Variants in TMCO5A observed in about 807,000 individuals in gnomAD.
The protein encoded by TMCO5A is transmembrane and coiled-coil domain-containing protein 5A.
A neutral mutation model predicts 42.3 loss-of-function variants in TMCO5A; 34 were observed. The ratio of observed to expected loss-of-function variants is 0.80; its 90% CI spans 0.61 to 1.07. The LOEUF is 1.07. TMCO5A is among the 50% of genes least tolerant of loss of function. The probability of loss-of-function intolerance (pLI) is 0.00; values close to 1 mark genes in which losing one functional copy is unlikely to be tolerated. For missense variants in TMCO5A, 357 were observed against 327.9 expected, an observed-to-expected ratio of 1.09 and a Z score of -0.69; for synonymous variants, 131 against 115.6, an observed-to-expected ratio of 1.13 and a Z score of -0.86.
chr15:37,962,795 C>T (rs200455480), intron 11 of TMCO5A, among the ~76,000 whole-genome samples: 21 of 152,034 alleles, frequency 1.4e-4, no homozygotes, highest in African/African-American at 4.1e-4. Context: ...AGGAATTTAT[C>T]GGTCTCTTCT....
chr15:38,039,760 C>T, the TMCO5A span, among the ~76,000 whole-genome samples: 16 of 105,392 alleles, frequency 1.5e-4, no homozygotes, highest in African/African-American at 4.1e-4. Flanking sequence ...ACCAAATTCT[C>T]GACTGTTCTT....
At chr15:37,996,220 G>A in the TMCO5A span, among the ~76,000 whole-genome samples, 15 of 152,256 alleles carry the variant, frequency 9.9e-5, no homozygotes, top group East Asian at 1.2e-3. Context: ...CCCTCACTAC[G>A]CCTTAGAGGG....
chr15:37,984,077 C>T, the TMCO5A span, among the ~76,000 whole-genome samples: 21 of 152,116 alleles, frequency 1.4e-4, no homozygotes, highest in African/African-American at 4.1e-4. Context: ...CTAAGTCTTA[C>T]GTATTCTAAG....
intron 11 of TMCO5A, among the ~76,000 whole-genome samples, chr15:37,961,630 A>G (rs1890430820): frequency 6.6e-6 from 1 of 151,990 alleles, no homozygotes; most frequent in South Asian, 2.1e-4. Context: ...TTTTGGCAGT[A>G]TGTCATTTTC....
the TMCO5A span, among the ~76,000 whole-genome samples, chr15:38,025,418 C>T: frequency 2.6e-5 from 4 of 152,214 alleles, no homozygotes; most frequent in South Asian, 8.3e-4. Context: ...ACCACCATAT[C>T]ATTCCTTAAA....
At chr15:37,988,584 C>T in the TMCO5A span, among the ~76,000 whole-genome samples, 1 of 151,822 alleles carries the variant, frequency 6.6e-6, no homozygotes, top group East Asian at 1.9e-4. Flanking sequence ...TTGTTAAAGG[C>T]CCTTTCTGCA....
chr15:37,947,764 G>A (rs1595596863), intron 11 of TMCO5A, 68 bp downstream of exon 11: 3 of 1,093,114 alleles, frequency 2.7e-6, no homozygotes, highest in African/African-American at 1.6e-5. Context: ...TCGGGCAGAG[G>A]GAAAAGTCTA....
At chr15:37,998,717 T>C in the TMCO5A span, among the ~76,000 whole-genome samples, 1 of 152,166 alleles carries the variant, frequency 6.6e-6, no homozygotes, top group Non-Finnish European at 1.5e-5. Flanking sequence ...TAGGATTTTT[T>C]TTTTATTTCT....
the TMCO5A span, among the ~76,000 whole-genome samples, chr15:38,038,027 A>T: frequency 6.6e-6 from 1 of 151,002 alleles, no homozygotes; most frequent in Middle Eastern, 3.5e-3. Context: ...AAAAAAAATA[A>T]AAAAAAAATA....
downstream of TMCO5A, among the ~76,000 whole-genome samples, chr15:37,955,729 T>A (rs1890270992): frequency 1.3e-5 from 2 of 152,048 alleles, no homozygotes; most frequent in Admixed American, 1.3e-4. Flanking sequence ...TGAACTCAGC[T>A]CTGGACCAAG....
chr15:37,941,750 G>A lies in TMCO5A; in HGVS notation c.504+20G>A, dbSNP rs1889752928. 5.7e-6 allele frequency: 9 copies of A among 1,591,232 alleles called. No homozygotes were observed. The highest frequency in any genetic ancestry group is 6.9e-6 in the Non-Finnish European group (8 of 1,159,906). On this transcript the variant is annotated intron_variant, in intron 8 of 11. Coordinates refer to ENST00000319669, the MANE Select transcript of TMCO5A (RefSeq NM_152453.4). ...ATAAAGGTAGAGCTTCTTGGTAAAG[G>A]GATAGCAAAGGGTTTATTAAGGTAC...
downstream of TMCO5A, among the ~76,000 whole-genome samples, chr15:37,971,231 A>C (rs570250228): frequency 1.1e-4 from 16 of 152,284 alleles, no homozygotes; most frequent in East Asian, 2.9e-3. Context: ...GTGCACCTGT[A>C]GACTCAACAC....
the TMCO5A span, among the ~76,000 whole-genome samples, chr15:37,977,318 T>A: frequency 6.6e-6 from 1 of 152,276 alleles, no homozygotes; most frequent in Non-Finnish European, 1.5e-5. Context: ...AGAGTTCTTG[T>A]GCTGGTTCTT....
downstream of TMCO5A, among the ~76,000 whole-genome samples, chr15:37,968,378 G>T (rs1180175052): frequency 1.3e-5 from 2 of 152,172 alleles, no homozygotes; most frequent in South Asian, 4.2e-4. Flanking sequence ...ACAGCTCAAA[G>T]ATACACTCCA....
chr15:37,961,849 T>G (rs935882622), intron 11 of TMCO5A, among the ~76,000 whole-genome samples: 1 of 152,090 alleles, frequency 6.6e-6, no homozygotes, highest in African/African-American at 2.4e-5. Context: ...CACTCACTGT[T>G]GGTATATAGA....
chr15:38,040,377 T>C, the TMCO5A span: 1 of 152,166 alleles, frequency 6.6e-6, no homozygotes, highest in African/African-American at 2.4e-5. Context: ...AGGCATTCTC[T>C]AGGAATCACA....
At chr15:38,033,668 C>A in the TMCO5A span, among the ~76,000 whole-genome samples, 4 of 151,876 alleles carry the variant, frequency 2.6e-5, no homozygotes, top group Admixed American at 2.6e-4. Context: ...GCTCTGTCAC[C>A]CAGGCTGGAG....
rs1161666972 is a variant in TMCO5A, at chr15:37,942,219, A to G, written c.533A>G (p.Glu178Gly). 1.2e-6 allele frequency: 2 copies of G among 1,612,458 alleles called. No homozygotes were observed. Among genetic ancestry groups the G allele is most frequent in the Admixed American group, 3.3e-5 (2 of 59,900 alleles). Residue 178 changes from glutamate to glycine, a missense_variant, in exon 9 of 12, where the codon GAA becomes GGA. By Grantham distance (98) the Glu-to-Gly change is moderately conservative (BLOSUM62 -2). Coordinates refer to ENST00000319669, the MANE Select transcript of TMCO5A (RefSeq NM_152453.4). Reference protein sequence around the residue: ...KKYQETLKKIEEELEALFLER... With the variant: ...KKYQETLKKIGEELEALFLER... ...TACCAGGAAACGTTGAAGAAAATAG[A>G]AGAAGAACTAGAGGCTCTGTTCCTT...
intron 10 of TMCO5A, chr15:37,943,905 T>G (rs1439346090): frequency 1.3e-5 from 2 of 153,510 alleles, no homozygotes; most frequent in African/African-American, 4.8e-5. Context: ...ATATTTAATA[T>G]AGCAAAGCCA....
Sources: gnomAD v4.1 joint callset for allele counts (sites outside exome capture counted in the v4.1 genomes callset) on GRCh38, gnomAD v4.1.1 for gene constraint, MANE v1.5 for transcripts, NCBI Gene and HGNC (gene_info 2026-07-23, HGNC 2026-07-21) for gene names.